The following MAP3K6 variants were observed in gnomAD, a reference collection of about 807,000 sequenced individuals.
MAP3K6 encodes the protein mitogen-activated protein kinase kinase kinase 6.
In MAP3K6, 105 loss-of-function variants were observed where a neutral mutation model predicts 147.1. That is an observed-to-expected ratio of 0.71 (90% CI 0.61 to 0.84). The LOEUF is 0.84. Ranked by LOEUF, MAP3K6 falls within the 40% of genes least tolerant of loss-of-function variation. The probability of loss-of-function intolerance (pLI) is 0.00; values close to 1 mark genes in which losing one functional copy is unlikely to be tolerated. For missense variants in MAP3K6, 1,569 were observed against 1,715.0 expected (o/e 0.91, Z 1.50); for synonymous variants, 695 against 732.4 (o/e 0.95, Z 0.82).
chr1:27,360,041 G>C lies in MAP3K6; in HGVS notation c.2183-47C>G. ...TCATTCTTCCCACCCACTGGCTCCA[G>C]CCCACATCTCTCTGCTCAAGGCCCA... On this transcript the variant is annotated intron_variant, in intron 16 of 28. Transcript: ENST00000357582. The surrounding 1 kb of genome is among the most constrained non-coding windows in gnomAD (Gnocchi z 4.5). The C allele has an allele frequency of 2.5e-6, 4 of 1,611,098 alleles. No homozygotes were observed. Among genetic ancestry groups the C allele is most frequent in the Non-Finnish European group, 3.4e-6 (4 of 1,178,364 alleles).
rs1051149593 is a variant in MAP3K6, at chr1:27,356,040, C to G, written c.3697G>C (p.Gly1233Arg). 3 of 1,614,042 alleles carry G rather than the reference C, an allele frequency of 1.9e-6. No homozygotes were observed. The highest frequency in any genetic ancestry group is 2.5e-6 in the Non-Finnish European group (3 of 1,180,042). ...QWLQELNVDS[G>R]TIQMLLNHSF... ...CCCCGACTCACCATTTGGATGGTGC[C>G]TGAATCCACATTCAGTTCCTGTAGC... is the stretch of plus-strand genomic sequence containing the variant. Residue 1233 changes from glycine to arginine, a missense_variant, in exon 27 of 29, where the codon GGC becomes CGC. Coordinates refer to ENST00000357582, the MANE Select transcript of MAP3K6 (RefSeq NM_004672.5).
Position 27,362,150 on chromosome 1 carries a change from ATTGGCGAGG to A in MAP3K6, c.1347_1355del (p.Leu450_Asn452del). Reference sequence around the variant, plus strand: ...CAGCCAGCACCACCTGGGTGGGGTCATTGGCGAGGATCTGGGCTCCCAGGTAGAAACCCA... The same window carrying A: ...CAGCCAGCACCACCTGGGTGGGGTCAATCTGGGCTCCCAGGTAGAAACCCA... On this transcript the variant is annotated inframe_deletion, in exon 9 of 29. Coordinates refer to ENST00000357582, the MANE Select transcript of MAP3K6 (RefSeq NM_004672.5). The A allele has an allele frequency of 2.5e-6, 4 of 1,613,706 alleles. No homozygotes were observed. Among genetic ancestry groups the A allele is most frequent in the Non-Finnish European group, 3.4e-6 (4 of 1,179,976 alleles).
chr1:27,358,615 TGGG>T lies in MAP3K6; in HGVS notation c.2584-7_2584-5del, dbSNP rs746444720. The T allele has an allele frequency of 1.2e-6, 2 of 1,613,024 alleles. No homozygotes were observed. Among genetic ancestry groups the T allele is most frequent in the Non-Finnish European group, 1.7e-6 (2 of 1,179,684 alleles). On this transcript the variant is annotated splice_polypyrimidine_tract_variant and splice_region_variant and intron_variant, in intron 19 of 28. Coordinates refer to ENST00000357582, the MANE Select transcript of MAP3K6 (RefSeq NM_004672.5). This position sits in a 1 kb window ranked among gnomAD's most constrained non-coding sequence, Gnocchi z 6.2. ...GATGGACCTTGTACATACCCACCTG[TGGG>T]GGGAGGGTGAACAAGGGTGACATTC...
At position 27,356,646 on chromosome 1, in the gene MAP3K6, C is replaced by A; in HGVS notation, c.3468G>T (p.Glu1156Asp). The change falls in exon 25 of 29, where the codon GAG becomes GAT. Residue 1156 changes from glutamate to aspartate, a missense_variant. Glu to Asp is a conservative substitution (Grantham distance 45). Coordinates refer to ENST00000357582, the MANE Select transcript of MAP3K6 (RefSeq NM_004672.5). Reference sequence around the variant, plus strand: ...GCACCATCAGAGGAGCGGGGCCCTGCTCGGGCTCCACCGGAAGCGGGCTCT... The same window carrying A: ...GCACCATCAGAGGAGCGGGGCCCTGATCGGGCTCCACCGGAAGCGGGCTCT... The part of the protein sequence containing the change: ...GQQSPLPVEP[E>D]QGPAPLMVQL... 1 of 1,612,226 alleles carries A rather than the reference C, an allele frequency of 6.2e-7. No individual in the cohort carries two copies. The highest frequency in any genetic ancestry group is 1.3e-5 in the African/African-American group (1 of 75,026).
At position 27,366,175 on chromosome 1, in the gene MAP3K6, C is replaced by T. The variant is rs1173063335; in HGVS notation, c.340+83G>A. On this transcript the variant is annotated intron_variant, in intron 1 of 28. Coordinates refer to ENST00000357582, the MANE Select transcript of MAP3K6 (RefSeq NM_004672.5). The surrounding 1 kb of genome is among the most constrained non-coding windows in gnomAD (Gnocchi z 5.5). The stretch of plus-strand genomic sequence containing the variant: ...AGACCCGGTACCCCTCTCGGCCCCT[C>T]CCTTGAGCCTTCGAGCCCGGCTTGG... 8.1e-7 allele frequency: 1 copy of T among 1,236,204 alleles called. No homozygotes were observed. The highest frequency in any genetic ancestry group is 1.0e-6 in the Non-Finnish European group (1 of 983,064). The allele number at this position is 1,236,204 out of a possible 1,614,324, so 76.6% of individuals were successfully genotyped here.
chr1:27,364,554 T>A lies in MAP3K6; in HGVS notation c.504+107A>T. 4 of 1,567,680 alleles carry A rather than the reference T, an allele frequency of 2.6e-6. No individual in the cohort carries two copies. The highest frequency in any genetic ancestry group is 3.5e-6 in the Non-Finnish European group (4 of 1,138,316). ...ACAGGAAACAGAGGAATACTTGGGA[T>A]GTCAGTGGGGGGTTAGGTGACTGAG... On this transcript the variant is annotated intron_variant, in intron 3 of 28. Coordinates refer to ENST00000357582, the MANE Select transcript of MAP3K6 (RefSeq NM_004672.5). This position sits in a 1 kb window ranked among gnomAD's most constrained non-coding sequence, Gnocchi z 4.4.
chr1:27,364,976 T>C lies in MAP3K6; in HGVS notation c.341-64A>G. On this transcript the variant is annotated intron_variant, in intron 1 of 28. Transcript: ENST00000357582. The surrounding 1 kb of genome is among the most constrained non-coding windows in gnomAD (Gnocchi z 4.4). Reference sequence around the variant, plus strand: ...CAGCTTGATGGGGAAGGAGCCGGGGTCCATCCTGGCTTGACCTGCCTTGCT... The same window carrying C: ...CAGCTTGATGGGGAAGGAGCCGGGGCCCATCCTGGCTTGACCTGCCTTGCT... 6.6e-7 allele frequency: 1 copy of C among 1,520,636 alleles called. No individual in the cohort carries two copies. Among genetic ancestry groups the C allele is most frequent in the Non-Finnish European group, 8.9e-7 (1 of 1,129,406 alleles). The allele number at this position is 1,520,636 out of a possible 1,614,324, so 94.2% of individuals were successfully genotyped here.
Position 27,361,545 on chromosome 1 carries a change from AG to A in MAP3K6, c.1660del (p.Leu554Ter), listed in dbSNP as rs762728470. The A allele has an allele frequency of 6.2e-7, 1 of 1,614,202 alleles. No individual in the cohort carries two copies. Among genetic ancestry groups the A allele is most frequent in the South Asian group, 1.1e-5 (1 of 91,092 alleles). On this transcript the variant is annotated frameshift_variant, in exon 11 of 29. Coordinates refer to ENST00000357582, the MANE Select transcript of MAP3K6 (RefSeq NM_004672.5). LOFTEE classifies it high-confidence loss of function. Reference protein sequence around the residue: ...RGTDPVSTVTLSLLEPETQDI... With the variant: ...RGTDPVSTVTXSLLEPETQDI... ...CTGGGTCTCAGGCTCCAGCAGGCTC[AG>A]GGTCACTGTGCTTACTGGGTCAGTA...
At chr1:27,363,369 G>A in intron 6 of MAP3K6, 73 bp downstream of exon 6, 1 of 1,264,310 alleles carries the variant, frequency 7.9e-7, no homozygotes, top group African/African-American at 1.5e-5. Context: ...AGACAGCAAT[G>A]GCTTTGCACG....
intron 6 of MAP3K6, 34 bp downstream of exon 6, chr1:27,363,408 G>A (rs747699755): frequency 1.3e-6 from 2 of 1,557,580 alleles, no homozygotes; most frequent in Non-Finnish European, 1.7e-6. Context: ...AAACCTTTAT[G>A]TGGCTATGAC....
At position 27,360,843 on chromosome 1, in the gene MAP3K6, C is replaced by A. The variant is rs1435315811; in HGVS notation, c.1921-5G>T. ...CTCCGTGTACTCATAATCAAACTGC[C>A]GGGCGCGGGGTGAGATGGGAGTTCA... On this transcript the variant is annotated splice_region_variant and splice_polypyrimidine_tract_variant and intron_variant, in intron 14 of 28. Transcript: ENST00000357582. The surrounding 1 kb of genome is among the most constrained non-coding windows in gnomAD (Gnocchi z 4.5). 1.2e-6 allele frequency: 2 copies of A among 1,612,584 alleles called. 1 individual carries two copies. Among genetic ancestry groups the A allele is most frequent in the African/African-American group, 2.7e-5 (2 of 75,056 alleles).
At chr1:27,356,549 G>T (rs1432986052) in intron 25 of MAP3K6, 41 bp downstream of exon 25, 2 of 1,611,308 alleles carry the variant, frequency 1.2e-6, no homozygotes, top group African/African-American at 2.7e-5. Flanking sequence ...TGAGTGGGTT[G>T]AAGCCCGGCA....
Position 27,359,408 on chromosome 1 carries a change from C to A in MAP3K6, c.2425+9G>T, listed in dbSNP as rs1268919752. 3 of 1,614,008 alleles carry A rather than the reference C, an allele frequency of 1.9e-6. No homozygotes were observed. The African/African-American group carries it at 4.0e-5, about 22-fold the overall frequency. On this transcript the variant is annotated intron_variant, in intron 18 of 28. Coordinates refer to ENST00000357582, the MANE Select transcript of MAP3K6 (RefSeq NM_004672.5). The surrounding 1 kb of genome is among the most constrained non-coding windows in gnomAD (Gnocchi z 4.4). ...AGCATCCCCACTCACCACCCCCACA[C>A]CTTGTTACCTGTGAAGGTCTCAGTG...
chr1:27,357,788 C>T lies in MAP3K6; in HGVS notation c.3004G>A (p.Ala1002Thr), dbSNP rs1213021907. 6.2e-7 allele frequency: 1 copy of T among 1,609,118 alleles called. No individual in the cohort carries two copies. ...TGCTCCAATACTGCGGCCAGCATGG[C>T]CCGACGCTTGCTCTCCTGGTGCAGC... ...SLLHQESKRR[A>T]MLAAVLEQEL... Residue 1002 changes from alanine to threonine, a missense_variant, in exon 22 of 29, where the codon GCC (alanine) becomes ACC (threonine). Physicochemically the swap from Ala to Thr is moderately conservative, Grantham distance 58. Coordinates refer to ENST00000357582, the MANE Select transcript of MAP3K6 (RefSeq NM_004672.5).
rs192163544 is a variant in MAP3K6 at position 27,365,090 on chromosome 1, T to C, written c.341-178A>G. On this transcript the variant is annotated intron_variant, in intron 1 of 28. Coordinates refer to ENST00000357582, the MANE Select transcript of MAP3K6 (RefSeq NM_004672.5). ...GGCACTTTCACAGAACTGATCTCTG[T>C]AGTGTTGCAGGAGAGGAGTTGGGCT... 1.5e-3 allele frequency among the ~76,000 whole-genome samples: 221 copies of C among 152,218 alleles called. 1 individual carries two copies. Among genetic ancestry groups the C allele is most frequent in the African/African-American group, 4.9e-3 (205 of 41,520 alleles).
chr1:27,355,271 C>A lies in MAP3K6; in HGVS notation c.*120G>T. On this transcript the variant is annotated 3_prime_UTR_variant, in exon 29 of 29. Coordinates refer to ENST00000357582, the MANE Select transcript of MAP3K6 (RefSeq NM_004672.5). ...TCTCACTGGAACCAGTCCTGGGCCC[C>A]ACTCGCCTGGCTTCCTCCAGTCGCC... 1 of 920,652 alleles carries A rather than the reference C, an allele frequency of 1.1e-6. No homozygotes were observed. 57.0% of individuals were successfully genotyped at this position (920,652 alleles called of 1,614,324 possible).
chr1:27,360,889 C>A lies in MAP3K6; in HGVS notation c.1920+32G>T. The A allele has an allele frequency of 6.2e-7, 1 of 1,608,386 alleles. No homozygotes were observed. The highest frequency in any genetic ancestry group is 1.7e-4 in the Middle Eastern group (1 of 6,044). ...GTTCAGCAGGGCCCGCGGCCCCTCG[C>A]CCTCCGCGAGCTCCCAGTCCCGCGT... is the stretch of plus-strand genomic sequence containing the variant. On this transcript the variant is annotated intron_variant, in intron 14 of 28. Coordinates refer to ENST00000357582, the MANE Select transcript of MAP3K6 (RefSeq NM_004672.5). This position sits in a 1 kb window ranked among gnomAD's most constrained non-coding sequence, Gnocchi z 4.5.
chr1:27,357,845 C>T lies in MAP3K6; in HGVS notation c.2947G>A (p.Ala983Thr), dbSNP rs2015591748. 2.5e-6 allele frequency: 4 copies of T among 1,598,036 alleles called. No homozygotes were observed. The highest frequency in any genetic ancestry group is 2.6e-6 in the Non-Finnish European group (3 of 1,175,708). Residue 983 changes from alanine to threonine, a missense_variant, in exon 22 of 29, where the codon GCG becomes ACG. Transcript: ENST00000357582. ...VPEEPAAEEP[A>T]SPEESSGLSL... ...AGCCCCGAACTCTCCTCCGGAGACG[C>T]AGGCTCCTCGGCCGCAGGCTCCTCG...
chr1:27,359,683 G>C lies in MAP3K6; in HGVS notation c.2320-161C>G. On this transcript the variant is annotated intron_variant, in intron 17 of 28. Transcript: ENST00000357582. The surrounding 1 kb of genome is among the most constrained non-coding windows in gnomAD (Gnocchi z 4.4). ...TATGCCCCTCTGGGAGCTGACAATT[G>C]GTTTGGCTTCAGAGCTGAACCTTTC... The C allele has an allele frequency of 1.2e-6, 1 of 865,612 alleles. No homozygotes were observed. The highest frequency in any genetic ancestry group is 1.4e-6 in the Non-Finnish European group (1 of 720,824). 53.6% of individuals were successfully genotyped at this position (865,612 alleles called of 1,614,324 possible).
Sources: allele counts gnomAD v4.1 joint callset (sites outside exome capture counted in the v4.1 genomes callset), GRCh38; gene constraint gnomAD v4.1.1; non-coding constraint Gnocchi (gnomAD v3.1); transcripts MANE v1.5; gene names NCBI Gene and HGNC (gene_info 2026-07-23, HGNC 2026-07-21).